GCNT3: variants seen among roughly 807,000 people sequenced by gnomAD.
GCNT3 encodes the protein glucosaminyl (N-acetyl) transferase 3, mucin type, also known as beta-1,3-galactosyl-O-glycosyl-glycoprotein beta-1,6-N-acetylglucosaminyltransferase 3.
For missense variants in GCNT3, 708 were observed against 530.3 expected (o/e 1.34, Z -3.29); for synonymous variants, 269 against 195.2 (o/e 1.38, Z -3.15).
intron 1 of GCNT3, among the ~76,000 whole-genome samples, chr15:59,616,016 T>G (rs1305917672): frequency 6.6e-6 from 1 of 152,220 alleles, no homozygotes; most frequent in African/African-American, 2.4e-5. Context: ...TTTTGTAATC[T>G]ATACCATGGC....
chr15:59,614,299 T>A (rs2082709877), intron 1 of GCNT3, among the ~76,000 whole-genome samples: 1 of 152,022 alleles, frequency 6.6e-6, no homozygotes, highest in African/African-American at 2.4e-5. Context: ...CACGTAGGGG[T>A]GCAGATGACC....
At chr15:59,614,789 G>A (rs1305415405) in intron 1 of GCNT3, among the ~76,000 whole-genome samples, 2 of 152,156 alleles carry the variant, frequency 1.3e-5, no homozygotes. Flanking sequence ...TGCTAATGCA[G>A]CCCAGTAGGT....
chr15:59,613,754 C>T (rs571003167), intron 1 of GCNT3, among the ~76,000 whole-genome samples: 6 of 151,728 alleles, frequency 4.0e-5, no homozygotes, highest in African/African-American at 7.3e-5. Context: ...TATTCAGGCC[C>T]GGCACAGTGG....
intron 1 of GCNT3, among the ~76,000 whole-genome samples, chr15:59,615,533 C>A (rs79578600): frequency 0.064 from 9,712 of 152,102 alleles, 599 homozygotes; most frequent in East Asian, 0.3. Context: ...ATAGTGACTC[C>A]TTCCCCAACA....
At position 59,619,724 on chromosome 15, in the gene GCNT3, T is replaced by G; in HGVS notation, c.*169T>G. The G allele has an allele frequency of 1.6e-6, 1 of 615,012 alleles. No homozygotes were observed. Among genetic ancestry groups the G allele is most frequent in the East Asian group, 2.7e-5 (1 of 37,120 alleles). 38.1% of individuals were successfully genotyped at this position (615,012 alleles called of 1,614,324 possible). ...GTAAGTAGATCTTTTGCCTTGCAAA[T>G]TGCTGCCTGGGTGAATGCTGCTTGT... On this transcript the variant is annotated 3_prime_UTR_variant, in exon 3 of 3. Coordinates refer to ENST00000396065, the MANE Select transcript of GCNT3 (RefSeq NM_004751.3).
At position 59,618,384 on chromosome 15, in the gene GCNT3, G is replaced by T; in HGVS notation, c.146G>T (p.Ser49Ile). 1 of 1,614,136 alleles carries T rather than the reference G, an allele frequency of 6.2e-7. No homozygotes were observed. The highest frequency in any genetic ancestry group is 8.5e-7 in the Non-Finnish European group (1 of 1,179,994). ...GGTCTGGAGTCCAGGGAATCTCAAA[G>T]CCAGTACTGTAGGAATATCTTGTAT... ...HLGLESRESQSQYCRNILYNF... is the reference protein window; with the variant it reads ...HLGLESRESQIQYCRNILYNF... The change falls in exon 3 of 3, where the codon AGC (serine) becomes ATC (isoleucine). Residue 49 changes from serine (S) to isoleucine (I), a missense_variant. Coordinates refer to ENST00000396065, the MANE Select transcript of GCNT3 (RefSeq NM_004751.3).
At chr15:59,617,160 C>CT in intron 2 of GCNT3, among the ~76,000 whole-genome samples, 1 of 86,554 alleles carries the variant, frequency 1.2e-5, no homozygotes, top group East Asian at 4.0e-4. Flanking sequence ...CTTTATTTTT[C>CT]TTTTGTTTTC....
At chr15:59,615,962 G>C (rs754168291) in intron 1 of GCNT3, among the ~76,000 whole-genome samples, 4 of 152,138 alleles carry the variant, frequency 2.6e-5, no homozygotes, top group African/African-American at 9.7e-5. Context: ...GTTGGGGGCC[G>C]GGTTGGGGAG....
intron 2 of GCNT3, among the ~76,000 whole-genome samples, chr15:59,617,170 C>CTTTTTTTTTTTTTTTTTTTTTTTTTT (rs373439386): frequency 2.4e-5 from 2 of 82,390 alleles, no homozygotes; most frequent in African/African-American, 9.3e-5. Flanking sequence ...CTTTTGTTTT[C>CTTTTTTTTTTTTTTTTTTTTTTTTTT]TTTCTTTCTT....
chr15:59,621,586 A>ATTTTTTTTTTTTTTTTT lies in GCNT3; in HGVS notation c.*2036_*2037insTTTTTTTTTTTTTTTTT, dbSNP rs72144814. 11 of 90,876 alleles carry ATTTTTTTTTTTTTTTTT rather than the reference A, an allele frequency of 1.2e-4. 5 individuals are homozygous for ATTTTTTTTTTTTTTTTT. The highest frequency in any genetic ancestry group is 7.5e-4 in the East Asian group (2 of 2,660). The allele number at this position is 90,876 out of a possible 1,614,324, so 5.6% of individuals were successfully genotyped here. A position where few individuals can be genotyped will look rare whatever the true frequency, so the allele number is the denominator to read the frequency against. ...TCATTAATATGTTTCTTCCTTTCTGATTTTTGTTTTTTTTTTTTTTTTTGA... is the reference window on the plus strand; with the variant it reads ...TCATTAATATGTTTCTTCCTTTCTGATTTTTTTTTTTTTTTTTTTTTTGTTTTTTTTTTTTTTTTTGA... On this transcript the variant is annotated 3_prime_UTR_variant, in exon 3 of 3. Coordinates refer to ENST00000396065, the MANE Select transcript of GCNT3 (RefSeq NM_004751.3).
At chr15:59,613,283 G>A (rs915175414) in intron 1 of GCNT3, among the ~76,000 whole-genome samples, 2 of 152,014 alleles carry the variant, frequency 1.3e-5, no homozygotes, top group Non-Finnish European at 2.9e-5. Flanking sequence ...CCCACGCTGG[G>A]CTTTATTACT....
rs1890934619 is a variant in GCNT3 at position 59,621,609 on chromosome 15, T to TTTTTTTG, written c.*2054_*2055insTTTTTTG. Reference sequence around the variant, plus strand: ...TGATTTTTGTTTTTTTTTTTTTTTTTGAGACAGAGTCTCACTCTGTCACCC... The same window carrying TTTTTTTG: ...TGATTTTTGTTTTTTTTTTTTTTTTTTTTTTTGGAGACAGAGTCTCACTCTGTCACCC... On this transcript the variant is annotated 3_prime_UTR_variant, in exon 3 of 3. Coordinates refer to ENST00000396065, the MANE Select transcript of GCNT3 (RefSeq NM_004751.3). 4.3e-5 allele frequency: 6 copies of TTTTTTTG among 140,770 alleles called. No homozygotes were observed. Among genetic ancestry groups the TTTTTTTG allele is most frequent in the African/African-American group, 1.3e-4 (5 of 37,322 alleles). The allele number at this position is 140,770 out of a possible 1,614,324, so 8.7% of individuals were successfully genotyped here. A position where few individuals can be genotyped will look rare whatever the true frequency, so the allele number is the denominator to read the frequency against.
Position 59,618,824 on chromosome 15 carries a change from G to T in GCNT3, c.586G>T (p.Val196Phe). The change falls in exon 3 of 3, where the codon GTT becomes TTT. Residue 196 changes from valine (V) to phenylalanine (F), a missense_variant. Physicochemically the swap from Val to Phe is conservative, Grantham distance 50. Coordinates refer to ENST00000396065, the MANE Select transcript of GCNT3 (RefSeq NM_004751.3). Reference sequence around the variant, plus strand: ...CATAGCCAGTAAGCTGGTTCGGGTGGTTTATGCCTCCTGGTCCAGGGTGCA... The same window carrying T: ...CATAGCCAGTAAGCTGGTTCGGGTGTTTTATGCCTCCTGGTCCAGGGTGCA... The part of the protein sequence containing the change: ...VFIASKLVRV[V>F]YASWSRVQAD... 1 of 1,614,170 alleles carries T rather than the reference G, an allele frequency of 6.2e-7. No individual in the cohort carries two copies. The highest frequency in any genetic ancestry group is 2.2e-5 in the East Asian group (1 of 44,884).
In GCNT3 at chr15:59,621,892, C is replaced by T. The variant is rs940457164; in HGVS notation, c.*2337C>T. Reference sequence around the variant, plus strand: ...GGGATTACAGGCGTGAGCTACCGCACCCAGCCCTTTCTGAGTGTTGTCATT... The same window carrying T: ...GGGATTACAGGCGTGAGCTACCGCATCCAGCCCTTTCTGAGTGTTGTCATT... On this transcript the variant is annotated 3_prime_UTR_variant, in exon 3 of 3. Transcript: ENST00000396065. 6.6e-6 allele frequency: 1 copy of T among 151,770 alleles called. No individual in the cohort carries two copies. The highest frequency in any genetic ancestry group is 2.4e-5 in the African/African-American group (1 of 41,298). 9.4% of individuals were successfully genotyped at this position (151,770 alleles called of 1,614,324 possible).
chr15:59,618,167 G>C lies in GCNT3; in HGVS notation c.-60-12G>C, dbSNP rs1163675040. ...ATTGGTTTGTAACTGGAGGCATTTT[G>C]TTCTGTCCAAGGATTGTGTCCTCCT... On this transcript the variant is annotated splice_polypyrimidine_tract_variant and intron_variant, in intron 2 of 2. Transcript: ENST00000396065. 7.4e-6 allele frequency: 6 copies of C among 806,264 alleles called. No individual in the cohort carries two copies. The highest frequency in any genetic ancestry group is 7.4e-5 in the East Asian group (3 of 40,580). 49.9% of individuals were successfully genotyped at this position (806,264 alleles called of 1,614,324 possible). A position where few individuals can be genotyped will look rare whatever the true frequency, so the allele number is the denominator to read the frequency against.
intron 1 of GCNT3, 142 bp from the exon 2 acceptor site, chr15:59,616,550 C>A (rs1405699622): frequency 6.6e-6 from 1 of 152,202 alleles, no homozygotes; most frequent in African/African-American, 2.4e-5. Flanking sequence ...ATATTGCCAG[C>A]ATTCTTCCTG....
At position 59,618,217 on chromosome 15, in the gene GCNT3, A is replaced by G. The variant is rs190795083; in HGVS notation, c.-22A>G. Reference sequence around the variant, plus strand: ...TCCACCTTCCCTGTGCTCGGTCTCCACCTGTCTCCCATTCTGTGACGATGG... The same window carrying G: ...TCCACCTTCCCTGTGCTCGGTCTCCGCCTGTCTCCCATTCTGTGACGATGG... On this transcript the variant is annotated 5_prime_UTR_variant, in exon 3 of 3. Coordinates refer to ENST00000396065, the MANE Select transcript of GCNT3 (RefSeq NM_004751.3). The G allele has an allele frequency of 1.1e-5, 15 of 1,389,888 alleles. No homozygotes were observed. In the African/African-American group the frequency reaches 1.9e-4, roughly 17 times the overall value. The allele number at this position is 1,389,888 out of a possible 1,614,324, so 86.1% of individuals were successfully genotyped here. A position where few individuals can be genotyped will look rare whatever the true frequency, so the allele number is the denominator to read the frequency against.
In GCNT3 at chr15:59,619,476, A is replaced by G. The variant is rs2082737272; in HGVS notation, c.1238A>G (p.Asp413Gly). Residue 413 changes from aspartate (D) to glycine (G), a missense_variant, in exon 3 of 3, where the codon GAC (aspartate) becomes GGC (glycine). Coordinates refer to ENST00000396065, the MANE Select transcript of GCNT3 (RefSeq NM_004751.3). ...CATCACCTGTTGGCCAACAAGTTTG[A>G]CCCAAAGGTAGATGATAATGCTCTT... Reference protein sequence around the residue: ...QNHHLLANKFDPKVDDNALQC... With the variant: ...QNHHLLANKFGPKVDDNALQC... 1.2e-6 allele frequency: 2 copies of G among 1,614,048 alleles called. No individual in the cohort carries two copies.
intron 1 of GCNT3, among the ~76,000 whole-genome samples, chr15:59,615,709 C>G (rs1039271887): frequency 2.0e-5 from 3 of 150,980 alleles, no homozygotes; most frequent in Non-Finnish European, 4.4e-5. Flanking sequence ...ATAGCAAGAC[C>G]TCATCTCTAC....
Sources: allele counts gnomAD v4.1 joint callset (sites outside exome capture counted in the v4.1 genomes callset), GRCh38; gene constraint gnomAD v4.1.1; transcripts MANE v1.5; gene names NCBI Gene and HGNC (gene_info 2026-07-23, HGNC 2026-07-21).